The following SEMA3D variants were observed in gnomAD, a reference collection of about 807,000 sequenced individuals.
SEMA3D encodes the protein semaphorin 3D.
In SEMA3D, 84 loss-of-function variants were observed where a neutral mutation model predicts 100.1. That is an observed-to-expected ratio of 0.84 (90% CI 0.70 to 1.01). The LOEUF (loss-of-function observed/expected upper bound fraction) is 1.01. Among genes scored for constraint, SEMA3D ranks in the 50% least tolerant of loss-of-function variants. The probability of loss-of-function intolerance (pLI) is 0.00; values close to 1 mark genes in which losing one functional copy is unlikely to be tolerated. For synonymous variants in SEMA3D, 312 were observed against 320.7 expected, an observed-to-expected ratio of 0.97 and a Z score of 0.29; for missense variants, 875 against 934.1, an observed-to-expected ratio of 0.94 and a Z score of 0.82.
At chr7:85,203,401 G>T in the SEMA3D span, among the ~76,000 whole-genome samples, 2 of 152,130 alleles carry the variant, frequency 1.3e-5, no homozygotes, top group Non-Finnish European at 2.9e-5. Context: ...TTTTAAAAGA[G>T]ACTAAAGATA....
the SEMA3D span, among the ~76,000 whole-genome samples, chr7:85,226,526 T>C: frequency 6.6e-6 from 1 of 152,208 alleles, no homozygotes; most frequent in African/African-American, 2.4e-5. Flanking sequence ...TTTACTTTGA[T>C]TTTTGTGGTT....
At chr7:85,104,731 G>A (rs1343551441) in intron 3 of SEMA3D, among the ~76,000 whole-genome samples, 1 of 151,446 alleles carries the variant, frequency 6.6e-6, no homozygotes, top group Non-Finnish European at 1.5e-5. Flanking sequence ...CAGAGATCCC[G>A]AACTGGGTGG....
chr7:85,206,729 C>T, the SEMA3D span, among the ~76,000 whole-genome samples: 16 of 151,996 alleles, frequency 1.1e-4, no homozygotes, highest in Admixed American at 1.1e-3. Flanking sequence ...CTTTTCTCCA[C>T]CAAAATGTGG....
intron 3 of SEMA3D, among the ~76,000 whole-genome samples, chr7:85,114,856 A>G (rs1216132636): frequency 1.3e-5 from 2 of 152,198 alleles, no homozygotes; most frequent in African/African-American, 4.8e-5. Context: ...AAGGCCAAAA[A>G]CATACATTAA....
At chr7:85,003,059 G>T (rs770834136) in intron 18 of SEMA3D, among the ~76,000 whole-genome samples, 3 of 151,954 alleles carry the variant, frequency 2.0e-5, no homozygotes, top group South Asian at 4.1e-4. Context: ...AATAAAGAAA[G>T]CTCCTTGTGT....
the SEMA3D span, among the ~76,000 whole-genome samples, chr7:85,238,245 T>A: frequency 6.6e-6 from 1 of 152,198 alleles, no homozygotes; most frequent in Non-Finnish European, 1.5e-5. Flanking sequence ...TTTTATGCAT[T>A]GTACCTTTAG....
intron 3 of SEMA3D, among the ~76,000 whole-genome samples, chr7:85,113,248 A>C (rs913820198): frequency 1.3e-5 from 2 of 152,186 alleles, no homozygotes; most frequent in African/African-American, 2.4e-5. Context: ...GGAAATATAG[A>C]ACATTCTGAC....
chr7:85,175,879 A>C (rs749688815), intron 1 of SEMA3D, among the ~76,000 whole-genome samples: 72 of 152,106 alleles, frequency 4.7e-4, no homozygotes, highest in Non-Finnish European at 9.0e-4. Context: ...AAATATGTCA[A>C]GGATAAAGTT....
rs776239222 is a variant in SEMA3D, at chr7:85,081,509, A to G, written c.375+8T>C. On this transcript the variant is annotated splice_region_variant and intron_variant, in intron 5 of 18. Transcript: ENST00000284136. ...TTACAAAGATAATTGTTACAGTTTC[A>G]TACTTACATTGGCATCTTTCCCAGC... 6.3e-7 allele frequency: 1 copy of G among 1,584,212 alleles called. No individual in the cohort carries two copies. Among genetic ancestry groups the G allele is most frequent in the South Asian group, 1.1e-5 (1 of 90,512 alleles).
rs756164585 is a variant in SEMA3D at position 85,015,144 on chromosome 7, C to G, written c.1618G>C (p.Ala540Pro). 6.2e-7 allele frequency: 1 copy of G among 1,611,798 alleles called. No individual in the cohort carries two copies. Reference sequence around the variant, plus strand: ...CTGGCAAGACAACAGTCTGCGCAAGCTTTCCCATAAGTGTCGCATCTGTGC... The same window carrying G: ...CTGGCAAGACAACAGTCTGCGCAAGGTTTCCCATAAGTGTCGCATCTGTGC... ...SLHRCDTYGK[A>P]CADCCLARDP... The change falls in exon 16 of 19, where the codon GCT becomes CCT. Residue 540 changes from alanine (A) to proline (P), a missense_variant. Physicochemically the swap from Ala to Pro is conservative, Grantham distance 27. Coordinates refer to ENST00000284136, the MANE Select transcript of SEMA3D (RefSeq NM_001384900.1).
At chr7:85,246,634 A>G in the SEMA3D span, among the ~76,000 whole-genome samples, 1 of 152,116 alleles carries the variant, frequency 6.6e-6, no homozygotes, top group African/African-American at 2.4e-5. Flanking sequence ...TGAAAATACC[A>G]AGTTTGGGTG....
chr7:85,049,171 A>G (rs1221685067), intron 9 of SEMA3D, among the ~76,000 whole-genome samples: 1 of 143,940 alleles, frequency 6.9e-6, no homozygotes, highest in Non-Finnish European at 1.5e-5. Context: ...GATAGAGGAG[A>G]AAAAAAAAGA....
At chr7:85,215,694 T>G in the SEMA3D span, among the ~76,000 whole-genome samples, 2 of 152,172 alleles carry the variant, frequency 1.3e-5, no homozygotes, top group African/African-American at 4.8e-5. Flanking sequence ...ATACATTTAT[T>G]AATTCATTTG....
At chr7:85,164,113 T>G (rs974979077) in intron 1 of SEMA3D, among the ~76,000 whole-genome samples, 10 of 152,106 alleles carry the variant, frequency 6.6e-5, no homozygotes, top group Non-Finnish European at 1.3e-4. Context: ...AGTGAGTGCT[T>G]CAGGTCTTAC....
At chr7:85,057,909 C>T (rs768943151) in intron 8 of SEMA3D, among the ~76,000 whole-genome samples, 4 of 152,202 alleles carry the variant, frequency 2.6e-5, no homozygotes, top group Non-Finnish European at 2.9e-5. Flanking sequence ...CCAGCCTAGG[C>T]GACAGAGACA....
intron 1 of SEMA3D, among the ~76,000 whole-genome samples, chr7:85,178,597 A>C (rs977280444): frequency 4.6e-5 from 7 of 152,142 alleles, no homozygotes; most frequent in African/African-American, 1.7e-4. Context: ...AAAATTTCTA[A>C]CTGGCAAAGG....
chr7:85,083,840 C>T (rs1206775732), intron 4 of SEMA3D, among the ~76,000 whole-genome samples: 1 of 126,628 alleles, frequency 7.9e-6, no homozygotes, highest in Non-Finnish European at 1.6e-5. Context: ...GAGCGAGACT[C>T]CGTCTCAAAA....
At chr7:85,139,512 T>TAAA (rs1453476933) in intron 2 of SEMA3D, among the ~76,000 whole-genome samples, 1 of 152,080 alleles carries the variant, frequency 6.6e-6, no homozygotes, top group African/African-American at 2.4e-5. Flanking sequence ...GTAATAATAT[T>TAAA]TCTGTCTTTT....
chr7:85,237,090 C>G, the SEMA3D span, among the ~76,000 whole-genome samples: 2 of 152,172 alleles, frequency 1.3e-5, no homozygotes, highest in African/African-American at 4.8e-5. Flanking sequence ...TATTCATGCA[C>G]TCATAATTAA....
Sources: allele counts gnomAD v4.1 joint callset (sites outside exome capture counted in the v4.1 genomes callset), GRCh38; gene constraint gnomAD v4.1.1; transcripts MANE v1.5; gene names NCBI Gene and HGNC (gene_info 2026-07-23, HGNC 2026-07-21).